The following FRAS1 variants were observed in gnomAD, a reference collection of about 807,000 sequenced individuals.
FRAS1 encodes extracellular matrix organizing protein FRAS1.
FRAS1 carries 290 observed loss-of-function variants against 435.2 expected under a neutral mutation model. The ratio of observed to expected loss-of-function variants is 0.67; its 90% confidence interval spans 0.61 to 0.73. The LOEUF is 0.73. FRAS1 is among the 30% of genes least tolerant of loss of function. The pLI, the probability that FRAS1 is intolerant of heterozygous loss-of-function variation, is 0.00. For synonymous variants in FRAS1, 1,800 were observed against 1,851.0 expected, an observed-to-expected ratio of 0.97 and a Z score of 0.71; for missense variants, 4,860 against 5,001.5, an observed-to-expected ratio of 0.97 and a Z score of 0.85.
rs189300623 is a variant in FRAS1 at position 78,457,172 on chromosome 4, C to T, written c.6763+4818C>T. On this transcript the variant is annotated intron_variant, in intron 47 of 73. Coordinates refer to ENST00000512123, the MANE Select transcript of FRAS1 (RefSeq NM_025074.7). ...AGGCATTTAGAGACCCATTAAAAGG[C>T]CCTTTGCTGATGGGCAACCTGGGGA... 3.2e-4 allele frequency among the ~76,000 whole-genome samples: 49 copies of T among 152,294 alleles called. 1 individual carries two copies. The East Asian group carries it at 6.9e-3, about 22-fold the overall frequency.
intron 2 of FRAS1, among the ~76,000 whole-genome samples, chr4:78,082,595 T>G (rs1740945812): frequency 6.6e-6 from 1 of 152,106 alleles, no homozygotes; most frequent in African/African-American, 2.4e-5. Flanking sequence ...TGCATATTAT[T>G]TATTGCTACA....
rs765144262 is a variant in FRAS1 at position 78,317,433 on chromosome 4, C to G, written c.1885C>G (p.Pro629Ala). ...CTCTCACTGTACAGCCTGCAGCCCC[C>G]CCAAGGCTCTGCGTCAAGGCCACTG... ...TPSHCTACSP[P>A]KALRQGHCLP... The change falls in exon 17 of 74, where the codon CCC (proline) becomes GCC (alanine). Residue 629 changes from proline to alanine, a missense_variant. Transcript: ENST00000512123. 5.0e-6 allele frequency: 8 copies of G among 1,613,826 alleles called. No homozygotes were observed. In the East Asian group the frequency reaches 1.3e-4, roughly 27 times the overall value.
chr4:78,303,137 T>G, intron 14 of FRAS1, among the ~76,000 whole-genome samples: 1 of 152,238 alleles, frequency 6.6e-6, no homozygotes, highest in East Asian at 1.9e-4. Context: ...TTGCTTGTTT[T>G]TCTCAGGGTT....
chr4:78,430,436 A>G lies in FRAS1; in HGVS notation c.4969+19A>G, dbSNP rs73831318. The stretch of plus-strand genomic sequence containing the variant: ...GCCACAGGTAGCTACACACCTACAC[A>G]CTCTGTCACTGACCTGCTTGGAGGA... On this transcript the variant is annotated intron_variant, in intron 37 of 73. Transcript: ENST00000512123. The G allele has an allele frequency of 7.5e-5, 121 of 1,602,912 alleles. No homozygotes were observed. The highest frequency in any genetic ancestry group is 9.5e-5 in the Non-Finnish European group (111 of 1,173,772).
At position 78,522,773 on chromosome 4, in the gene FRAS1, A is replaced by C. The variant is rs1721426320; in HGVS notation, c.10773A>C (p.Pro3591=). 1 of 1,611,970 alleles carries C rather than the reference A, an allele frequency of 6.2e-7. No individual in the cohort carries two copies. Among genetic ancestry groups the C allele is most frequent in the African/African-American group, 1.3e-5 (1 of 74,972 alleles). The change falls in exon 69 of 74, where the codon CCA becomes CCC. Residue 3591 remains proline, a synonymous_variant. Coordinates refer to ENST00000512123, the MANE Select transcript of FRAS1 (RefSeq NM_025074.7). ...LLWSAQTFDS[P]HQLWRATSSY... is the part of the protein sequence containing the mutation. ...GGAGCGCTCAGACTTTTGATTCTCCACATCAACTCTGGAGAGCCACAAGCT... is the reference window on the plus strand; with the variant it reads ...GGAGCGCTCAGACTTTTGATTCTCCCCATCAACTCTGGAGAGCCACAAGCT...
intron 11 of FRAS1, among the ~76,000 whole-genome samples, chr4:78,282,564 T>C (rs1179766090): frequency 6.6e-6 from 1 of 152,242 alleles, no homozygotes; most frequent in Non-Finnish European, 1.5e-5. Flanking sequence ...TTTCACAGCT[T>C]ATCTCTGAGT....
intron 53 of FRAS1, 37 bp downstream of exon 53, chr4:78,473,634 A>T: frequency 6.6e-7 from 1 of 1,524,420 alleles, no homozygotes; most frequent in Non-Finnish European, 8.9e-7. Flanking sequence ...TTGAGAAATC[A>T]ATCAGGCAAG....
chr4:78,504,859 G>T (rs1489125784), intron 61 of FRAS1, among the ~76,000 whole-genome samples: 20 of 152,158 alleles, frequency 1.3e-4, no homozygotes, highest in Admixed American at 1.3e-3. Flanking sequence ...GCAGTGGATG[G>T]TACTGGTTGT....
Position 78,466,392 on chromosome 4 carries a change from A to G in FRAS1, c.7214A>G (p.Asp2405Gly). The G allele has an allele frequency of 1.2e-6, 2 of 1,613,894 alleles. No individual in the cohort carries two copies. Among genetic ancestry groups the G allele is most frequent in the Non-Finnish European group, 1.7e-6 (2 of 1,179,846 alleles). The change falls in exon 50 of 74, where the codon GAT becomes GGT. Residue 2405 changes from aspartate (D) to glycine (G), a missense_variant. By Grantham distance (94) the Asp-to-Gly change is moderately conservative (BLOSUM62 -1). Transcript: ENST00000512123. ...LKDRFTFTVS[D>G]GTNPFFIIEE... ...GACCGGTTCACCTTCACTGTTTCTG[A>G]TGGGACAAACCCCTTCTTTATCATT...
chr4:78,173,417 G>A (rs1004795983), intron 2 of FRAS1, among the ~76,000 whole-genome samples: 1 of 152,168 alleles, frequency 6.6e-6, no homozygotes, highest in African/African-American at 2.4e-5. Flanking sequence ...GACATGAAAT[G>A]GAGGAGTCTT....
chr4:78,182,714 C>A (rs924985139), intron 2 of FRAS1, among the ~76,000 whole-genome samples: 2 of 151,816 alleles, frequency 1.3e-5, no homozygotes, highest in Admixed American at 1.3e-4. Flanking sequence ...CCCGTCTCTA[C>A]TAAGGATACA....
rs142389362 is a variant in FRAS1 at position 78,540,803 on chromosome 4, T to C, written c.11718T>C (p.Ile3906=). 3.7e-4 allele frequency: 598 copies of C among 1,613,880 alleles called. 2 individuals are homozygous for C. In the African/African-American group the frequency reaches 7.5e-3, roughly 20 times the overall value. Residue 3906 remains isoleucine, a synonymous_variant, in exon 74 of 74, where the codon ATT becomes ATC. Coordinates refer to ENST00000512123, the MANE Select transcript of FRAS1 (RefSeq NM_025074.7). ...CCCTGTCACAGACTGGGGCGTCCAT[T>C]GGCAGTGCCCTGGCTGCAATCATGC... ...AASLSQTGAS[I]GSALAAIMLL...
At chr4:78,538,237 A>T (rs1663492676) in intron 72 of FRAS1, among the ~76,000 whole-genome samples, 1 of 152,264 alleles carries the variant, frequency 6.6e-6, no homozygotes, top group Non-Finnish European at 1.5e-5. Flanking sequence ...TGAATTAATA[A>T]GTAAACACTT....
At chr4:78,372,957 G>T in intron 24 of FRAS1, 99 bp downstream of exon 24, 1 of 1,324,856 alleles carries the variant, frequency 7.5e-7, no homozygotes, top group Non-Finnish European at 1.0e-6. Context: ...TCCCCTTCTG[G>T]CTTTTTACCC....
chr4:78,281,056 T>C (rs888884537), intron 10 of FRAS1, among the ~76,000 whole-genome samples: 12 of 152,198 alleles, frequency 7.9e-5, no homozygotes, highest in African/African-American at 2.9e-4. Context: ...TTATTTTAAA[T>C]AAGTACAAAT....
intron 2 of FRAS1, among the ~76,000 whole-genome samples, chr4:78,066,859 T>A (rs554820059): frequency 1.3e-5 from 2 of 152,308 alleles, no homozygotes; most frequent in Non-Finnish European, 2.9e-5. Flanking sequence ...TGAAGTATCT[T>A]AGAGTCTAGA....
At chr4:78,213,372 G>A (rs1323495701) in intron 2 of FRAS1, among the ~76,000 whole-genome samples, 1 of 152,258 alleles carries the variant, frequency 6.6e-6, no homozygotes, top group African/African-American at 2.4e-5. Context: ...ATGACCCAAA[G>A]GTTACACACG....
chr4:78,396,961 TGTGCTTCTTTAAGATGTCCACG>T (rs1330600410), intron 29 of FRAS1, among the ~76,000 whole-genome samples: 1 of 152,228 alleles, frequency 6.6e-6, no homozygotes, highest in Non-Finnish European at 1.5e-5. Context: ...TTAAGATTGT[TGTGCTTCTTTAAGATGTCCACG>T]GTGCTTCTTT....
intron 31 of FRAS1, among the ~76,000 whole-genome samples, chr4:78,412,332 A>G (rs1337678291): frequency 6.6e-6 from 1 of 152,268 alleles, no homozygotes; most frequent in Non-Finnish European, 1.5e-5. Flanking sequence ...AGGGTGGTCC[A>G]GTAACTGATG....
Sources: gnomAD v4.1 joint callset for allele counts (sites outside exome capture counted in the v4.1 genomes callset) on GRCh38, gnomAD v4.1.1 for gene constraint, MANE v1.5 for transcripts, NCBI Gene and HGNC (gene_info 2026-07-23, HGNC 2026-07-21) for gene names.